EVA1A: variants seen among roughly 807,000 people sequenced by gnomAD.
The protein encoded by EVA1A is eva-1 homolog A, regulator of programmed cell death.
EVA1A carries 7 observed loss-of-function variants against 9.8 expected under a neutral mutation model. The ratio of observed to expected loss-of-function variants is 0.71; its 90% CI spans 0.41 to 1.34. EVA1A has a LOEUF of 1.34. Ranked by LOEUF, EVA1A falls within the 40% of genes most tolerant of loss-of-function variation. The pLI is 0.01. For synonymous variants in EVA1A, 90 were observed against 85.6 expected (o/e 1.05, Z -0.28); for missense variants, 206 against 205.9 (o/e 1.00, Z 0.00).
intron 1 of EVA1A, among the ~76,000 whole-genome samples, chr2:75,550,569 C>T (rs778572737): frequency 4.0e-4 from 61 of 152,184 alleles, no homozygotes; most frequent in East Asian, 9.6e-4. Flanking sequence ...ATATACTGAA[C>T]GCACCTGAAT....
chr2:75,550,743 G>T (rs775605817), intron 1 of EVA1A, among the ~76,000 whole-genome samples: 1 of 152,208 alleles, frequency 6.6e-6, no homozygotes, highest in Non-Finnish European at 1.5e-5. Context: ...AATATGAAGA[G>T]AAATATTAGA....
At chr2:75,542,473 C>T (rs1274992458) in intron 1 of EVA1A, 1 of 152,312 alleles carries the variant, frequency 6.6e-6, no homozygotes, top group Non-Finnish European at 1.5e-5. Context: ...AACAGAACCA[C>T]TGTCTTCTCC....
intron 2 of EVA1A, among the ~76,000 whole-genome samples, chr2:75,519,385 C>T (rs1460631984): frequency 2.0e-5 from 3 of 152,228 alleles, no homozygotes; most frequent in Admixed American, 6.5e-5. Flanking sequence ...GCGGCAGTTC[C>T]GTGAGGTAAA....
chr2:75,552,227 T>C (rs1385019995), intron 1 of EVA1A, among the ~76,000 whole-genome samples: 1 of 152,032 alleles, frequency 6.6e-6, no homozygotes, highest in African/African-American at 2.4e-5. Flanking sequence ...TCTTGAAGAC[T>C]TTTCTCGGGA....
intron 1 of EVA1A, among the ~76,000 whole-genome samples, chr2:75,529,728 C>G (rs1675577403): frequency 6.6e-6 from 1 of 152,044 alleles, no homozygotes; most frequent in South Asian, 2.1e-4. Context: ...ATCACAACCC[C>G]TGGATACAGC....
At chr2:75,531,835 C>T (rs1675662680) in intron 1 of EVA1A, among the ~76,000 whole-genome samples, 1 of 151,982 alleles carries the variant, frequency 6.6e-6, no homozygotes, top group African/African-American at 2.4e-5. Flanking sequence ...GATACTTGCA[C>T]CAAAATCTCA....
chr2:75,558,156 G>A (rs762383236), intron 1 of EVA1A, among the ~76,000 whole-genome samples: 11 of 152,212 alleles, frequency 7.2e-5, no homozygotes, highest in Non-Finnish European at 1.3e-4. Context: ...GGTTTTAAAT[G>A]AGTAAAAATG....
chr2:75,549,276 T>C (rs574315098), intron 1 of EVA1A, among the ~76,000 whole-genome samples: 37 of 152,078 alleles, frequency 2.4e-4, no homozygotes, highest in Non-Finnish European at 4.6e-4. Context: ...CCCTGTGGAA[T>C]AGGAATAAAG....
chr2:75,502,228 CA>C (rs1674455356), intron 3 of EVA1A, among the ~76,000 whole-genome samples: 1 of 152,238 alleles, frequency 6.6e-6, no homozygotes, highest in Non-Finnish European at 1.5e-5. Flanking sequence ...AGGCAGCAAA[CA>C]TAACCCTGTC....
chr2:75,560,441 G>T (rs182363443), intron 1 of EVA1A, among the ~76,000 whole-genome samples: 131 of 152,292 alleles, frequency 8.6e-4, no homozygotes, highest in Non-Finnish European at 1.6e-3. Flanking sequence ...AAGCAGGGGG[G>T]GCGAGAGAAG....
chr2:75,549,002 A>G (rs908358706), intron 1 of EVA1A, among the ~76,000 whole-genome samples: 17 of 93,978 alleles, frequency 1.8e-4, no homozygotes, highest in South Asian at 6.1e-4. Context: ...ATATATATAT[A>G]TATATATTTT....
intron 1 of EVA1A, among the ~76,000 whole-genome samples, chr2:75,533,622 C>G (rs914380704): frequency 6.6e-5 from 10 of 151,954 alleles, no homozygotes; most frequent in Non-Finnish European, 1.5e-5. Flanking sequence ...AATGTTAACA[C>G]TTTCTGATGT....
At position 75,523,002 on chromosome 2, in the gene EVA1A, G is replaced by C. The variant is rs138179984; in HGVS notation, c.-191-515C>G. On this transcript the variant is annotated intron_variant, in intron 1 of 3. Transcript: ENST00000393913. ...TCCTTGCTAAAGTGTCAAGGCCTCT[G>C]CTAGGCCCAGGTAGGAAATCTCCTC... 2.4e-4 allele frequency among the ~76,000 whole-genome samples: 37 copies of C among 152,302 alleles called. No homozygotes were observed. In the East Asian group the frequency reaches 6.9e-3, roughly 29 times the overall value.
upstream of EVA1A, chr2:75,561,466 G>A (rs1676920349): frequency 6.6e-6 from 1 of 151,434 alleles, no homozygotes; most frequent in African/African-American, 2.4e-5. Context: ...TGCAGCTGAG[G>A]CCTCTGTTTG....
intron 3 of EVA1A, among the ~76,000 whole-genome samples, chr2:75,508,399 G>A (rs1357425352): frequency 6.6e-6 from 1 of 152,076 alleles, no homozygotes; most frequent in South Asian, 2.1e-4. Flanking sequence ...TGGGGGTATG[G>A]GTCTATAAAC....
chr2:75,520,235 C>T (rs919892441), intron 2 of EVA1A, among the ~76,000 whole-genome samples: 1 of 152,098 alleles, frequency 6.6e-6, no homozygotes, highest in African/African-American at 2.4e-5. Flanking sequence ...TGCCTAAATG[C>T]CCCCCTTCTC....
intron 3 of EVA1A, among the ~76,000 whole-genome samples, chr2:75,511,163 G>A (rs1674798101): frequency 6.6e-6 from 1 of 152,170 alleles, no homozygotes; most frequent in African/African-American, 2.4e-5. Flanking sequence ...TGAAAACACT[G>A]CTGCAGGGGC....
rs182618337 is a variant in EVA1A at position 75,525,212 on chromosome 2, C to G, written c.-191-2725G>C. Reference sequence around the variant, plus strand: ...ATTCTTTCCAAATCACTATCTCAATCTCTCTATCTTTTGATCTACTGCCCT... The same window carrying G: ...ATTCTTTCCAAATCACTATCTCAATGTCTCTATCTTTTGATCTACTGCCCT... On this transcript the variant is annotated intron_variant, in intron 1 of 3. Transcript: ENST00000393913. Among the ~76,000 whole-genome samples, 5 of 152,168 alleles carry G rather than the reference C, an allele frequency of 3.3e-5. No homozygotes were observed. In the East Asian group the frequency reaches 9.6e-4, roughly 29 times the overall value.
At chr2:75,536,121 T>C (rs1177985848) in intron 1 of EVA1A, among the ~76,000 whole-genome samples, 2 of 152,162 alleles carry the variant, frequency 1.3e-5, no homozygotes, top group Admixed American at 6.5e-5. Context: ...GCAGATTGCT[T>C]GAGCCCAGGA....
Sources: gnomAD v4.1 joint callset for allele counts (sites outside exome capture counted in the v4.1 genomes callset) on GRCh38, gnomAD v4.1.1 for gene constraint, MANE v1.5 for transcripts, NCBI Gene and HGNC (gene_info 2026-07-23, HGNC 2026-07-21) for gene names.